Variants in SAMD11 observed in about 807,000 individuals in gnomAD.
SAMD11 encodes the protein sterile alpha motif domain-containing protein 11.
A neutral mutation model predicts 64.4 loss-of-function variants in SAMD11; 77 were observed. The ratio of observed to expected loss-of-function variants is 1.20; its 90% CI spans 0.99 to 1.44. The LOEUF (loss-of-function observed/expected upper bound fraction) is 1.44. Among genes scored for constraint, SAMD11 ranks in the 40% most tolerant of loss-of-function variants. The pLI is 0.00. For missense variants in SAMD11, 1,402 were observed against 943.3 expected (o/e 1.49, Z -6.37); for synonymous variants, 658 against 421.9 (o/e 1.56, Z -6.86).
At chr1:940,883 G>A (rs998544941) in intron 7 of SAMD11, among the ~76,000 whole-genome samples, 7 of 152,178 alleles carry the variant, frequency 4.6e-5, no homozygotes, top group African/African-American at 1.7e-4. Flanking sequence ...AGGCTCAGCC[G>A]CCTCTCAGGC....
Position 942,393 on chromosome 1 carries a change from G to A in SAMD11, c.1475-17G>A. On this transcript the variant is annotated splice_polypyrimidine_tract_variant and intron_variant, in intron 9 of 13. Transcript: ENST00000616016. ...GCCTCGGACCCCCCGACCCCGCGTT[G>A]TCCCCCTCCCCACCAGGCTACGGCT... 1 of 1,378,302 alleles carries A rather than the reference G, an allele frequency of 7.3e-7. No individual in the cohort carries two copies. The highest frequency in any genetic ancestry group is 9.6e-7 in the Non-Finnish European group (1 of 1,037,312). The allele number at this position is 1,378,302 out of a possible 1,614,324, so 85.4% of individuals were successfully genotyped here.
chr1:939,535 G>A, intron 7 of SAMD11, 123 bp downstream of exon 7: 1 of 1,525,220 alleles, frequency 6.6e-7, no homozygotes, highest in Middle Eastern at 2.3e-4. Context: ...CTGTTGCTGA[G>A]GCCCTGCTGA....
chr1:927,119 C>A (rs957520784), intron 2 of SAMD11, among the ~76,000 whole-genome samples: 3 of 152,176 alleles, frequency 2.0e-5, no homozygotes, highest in African/African-American at 7.2e-5. Flanking sequence ...CCACCTGACA[C>A]ACAATCCGAC....
At chr1:938,643 C>T (rs1428200720) in intron 5 of SAMD11, among the ~76,000 whole-genome samples, 2 of 152,024 alleles carry the variant, frequency 1.3e-5, no homozygotes, top group Non-Finnish European at 2.9e-5. Context: ...GCATGTGACC[C>T]TGCACAGCCC....
intron 2 of SAMD11, 127 bp from the exon 3 acceptor site, chr1:930,028 G>A (rs1252401715): frequency 1.0e-5 from 12 of 1,147,444 alleles, no homozygotes; most frequent in East Asian, 5.2e-5. Context: ...CTTGGGGCTC[G>A]GCCTGGGGTG....
chr1:933,727 C>T (rs553158344), intron 4 of SAMD11, among the ~76,000 whole-genome samples: 139 of 130,032 alleles, frequency 1.1e-3, no homozygotes, highest in African/African-American at 3.6e-3. Flanking sequence ...CACCCAGCTG[C>T]CTTCCTATGT....
chr1:932,859 G>A (rs1278271664), intron 4 of SAMD11, among the ~76,000 whole-genome samples: 1 of 152,250 alleles, frequency 6.6e-6, no homozygotes, highest in South Asian at 2.1e-4. Flanking sequence ...TGCTCCTCGA[G>A]CCATTGTTTG....
intron 5 of SAMD11, among the ~76,000 whole-genome samples, chr1:938,713 C>T (rs1421597226): frequency 6.6e-6 from 1 of 152,200 alleles, no homozygotes; most frequent in Non-Finnish European, 1.5e-5. Flanking sequence ...GCTTTTTATT[C>T]TCCTCTAGGG....
intron 4 of SAMD11, 122 bp downstream of exon 4, chr1:931,211 G>C (rs1264363303): frequency 8.6e-6 from 8 of 933,906 alleles, no homozygotes; most frequent in Non-Finnish European, 1.3e-5. Flanking sequence ...TGTGATGCTG[G>C]CTGAGTGTCT....
At chr1:941,669 C>T (rs924486561) in intron 8 of SAMD11, among the ~76,000 whole-genome samples, 1 of 152,038 alleles carries the variant, frequency 6.6e-6, no homozygotes, top group Non-Finnish European at 1.5e-5. Flanking sequence ...GATCTGTTCC[C>T]GGCACAGACA....
chr1:928,201 G>A (rs532165946), intron 2 of SAMD11, among the ~76,000 whole-genome samples: 1,978 of 150,658 alleles, frequency 0.013, 46 homozygotes, highest in African/African-American at 0.045. Context: ...AGACCATCCT[G>A]ACTAACACGG....
At chr1:927,289 G>A (rs771981504) in intron 2 of SAMD11, among the ~76,000 whole-genome samples, 7 of 152,192 alleles carry the variant, frequency 4.6e-5, no homozygotes, top group African/African-American at 9.7e-5. Context: ...TGGGCAGCCC[G>A]CTGCCTAGCC....
At position 943,893 on chromosome 1, in the gene SAMD11, G is replaced by A. The variant is rs369016825; in HGVS notation, c.2290-15G>A. 5 of 1,612,946 alleles carry A rather than the reference G, an allele frequency of 3.1e-6. No homozygotes were observed. In the African/African-American group the frequency reaches 4.0e-5, roughly 13 times the overall value. ...GTGGGTGTGCGACAGCCCCCACCAG[G>A]CCATCTCTCTGCAGGTGGCCAGGCG... On this transcript the variant is annotated splice_polypyrimidine_tract_variant and intron_variant, in intron 13 of 13. Transcript: ENST00000616016.
intron 2 of SAMD11, among the ~76,000 whole-genome samples, chr1:928,629 C>G (rs1641023163): frequency 6.6e-6 from 1 of 152,244 alleles, no homozygotes; most frequent in Non-Finnish European, 1.5e-5. Context: ...TGGGGGCAGC[C>G]CAGGGTCAGG....
rs1385536932 is a variant in SAMD11 at position 944,005 on chromosome 1, G to A, written c.2387G>A (p.Gly796Asp). 12 of 1,612,886 alleles carry A rather than the reference G, an allele frequency of 7.4e-6. No homozygotes were observed. Among genetic ancestry groups the A allele is most frequent in the East Asian group, 2.2e-5 (1 of 44,872 alleles). ...PTLRAPEREL[G>D]TGEQPLSPTT... ...CTGCGGGCCCCGGAGCGAGAACTCGGCACAGGAGAGCAGCCCTTGTCCCCC... is the reference window on the plus strand; with the variant it reads ...CTGCGGGCCCCGGAGCGAGAACTCGACACAGGAGAGCAGCCCTTGTCCCCC... The change falls in exon 14 of 14, where the codon GGC (glycine) becomes GAC (aspartate). Residue 796 changes from glycine (G) to aspartate (D), a missense_variant. Transcript: ENST00000616016.
At chr1:925,874 C>T in intron 1 of SAMD11, 48 bp from the exon 2 acceptor site, 1 of 1,408,584 alleles carries the variant, frequency 7.1e-7, no homozygotes, top group Non-Finnish European at 1.0e-6. Flanking sequence ...TGACTGCGCG[C>T]AGAAGCGTGC....
intron 2 of SAMD11, among the ~76,000 whole-genome samples, chr1:928,035 C>T (rs957785455): frequency 1.3e-5 from 2 of 152,258 alleles, no homozygotes; most frequent in Non-Finnish European, 2.9e-5. Context: ...GTCCTTGCTT[C>T]CCTCTCTTCC....
At chr1:939,494 C>T (rs1261542177) in intron 7 of SAMD11, 82 bp downstream of exon 7, 2 of 1,584,838 alleles carry the variant, frequency 1.3e-6, no homozygotes, top group Admixed American at 1.7e-5. Context: ...CTCCCCTCAT[C>T]ACCTCCCCAG....
chr1:944,139 C>T lies in SAMD11; in HGVS notation c.2521C>T (p.Gln841Ter), dbSNP rs1220737685. Reference protein sequence around the residue: ...ALLPGAPDPSQPLC With the variant: ...ALLPGAPDPS ...ACTTCCAGGGGCCCCCGACCCTTCC[C>T]AGCCTCTGTGTTGAGGTTGCCGGGG... Residue 841 changes from glutamine to a stop codon, truncating the protein, a stop_gained, in exon 14 of 14, where the codon CAG (glutamine) becomes TAG (stop). Transcript: ENST00000616016. LOFTEE classifies it high-confidence loss of function. 3 of 1,575,886 alleles carry T rather than the reference C, an allele frequency of 1.9e-6. No individual in the cohort carries two copies. The highest frequency in any genetic ancestry group is 1.2e-5 in the South Asian group (1 of 85,932).
Sources: allele counts gnomAD v4.1 joint callset (sites outside exome capture counted in the v4.1 genomes callset), GRCh38; gene constraint gnomAD v4.1.1; transcripts MANE v1.5; gene names NCBI Gene and HGNC (gene_info 2026-07-23, HGNC 2026-07-21).